PAK5: variants seen among roughly 807,000 people sequenced by gnomAD.
The protein encoded by PAK5 is p21 (RAC1) activated kinase 5.
In PAK5, 16 loss-of-function variants were observed where a neutral mutation model predicts 65.9. The observed-to-expected ratio is 0.24, with a 90% CI of 0.16 to 0.37. The LOEUF (loss-of-function observed/expected upper bound fraction) is 0.37. PAK5 is among the 10% of genes least tolerant of loss of function. The pLI, the probability that PAK5 is intolerant of heterozygous loss-of-function variation, is 1.00. For synonymous variants in PAK5, 371 were observed against 354.9 expected, an observed-to-expected ratio of 1.05 and a Z score of -0.51; for missense variants, 785 against 903.9, an observed-to-expected ratio of 0.87 and a Z score of 1.69.
chr20:9,703,503 G>A lies in PAK5; in HGVS notation c.-12+7783C>T, dbSNP rs367910389. ...CAGGGGATTGAGGCCCTGTGTTTTGGGTTAAAAGGTTGCCAGGTGGAAGTT... is the reference window on the plus strand; with the variant it reads ...CAGGGGATTGAGGCCCTGTGTTTTGAGTTAAAAGGTTGCCAGGTGGAAGTT... On this transcript the variant is annotated intron_variant, in intron 2 of 9. Transcript: ENST00000353224. Among the ~76,000 whole-genome samples, 19 of 152,208 alleles carry A rather than the reference G, an allele frequency of 1.2e-4. 1 individual carries two copies. In the Middle Eastern group the frequency reaches 0.01, roughly 82 times the overall value.
At chr20:9,738,682 C>T (rs1430458116) in intron 1 of PAK5, among the ~76,000 whole-genome samples, 1 of 152,104 alleles carries the variant, frequency 6.6e-6, no homozygotes, top group Non-Finnish European at 1.5e-5. Flanking sequence ...CAGGAAAAGG[C>T]ATGAGAGAAA....
intron 1 of PAK5, among the ~76,000 whole-genome samples, chr20:9,719,046 A>G (rs983951054): frequency 6.6e-6 from 1 of 152,184 alleles, no homozygotes; most frequent in Non-Finnish European, 1.5e-5. Context: ...TAAAATATTT[A>G]TAGCCAGAGC....
rs1054984947 is a variant in PAK5 at position 9,768,591 on chromosome 20, T to C, written c.-161-57156A>G. Among the ~76,000 whole-genome samples, 6 of 152,218 alleles carry C rather than the reference T, an allele frequency of 3.9e-5. No individual in the cohort carries two copies. In the East Asian group the frequency reaches 1.2e-3, roughly 29 times the overall value. Reference sequence around the variant, plus strand: ...TGAGATGAGGAGTTCTCAACCAGCCTGGCCAACATGGCATAACCCTGTCTC... The same window carrying C: ...TGAGATGAGGAGTTCTCAACCAGCCCGGCCAACATGGCATAACCCTGTCTC... On this transcript the variant is annotated intron_variant, in intron 1 of 9. Transcript: ENST00000353224.
intron 2 of PAK5, among the ~76,000 whole-genome samples, chr20:9,695,219 A>G (rs999864414): frequency 2.0e-5 from 3 of 151,990 alleles, no homozygotes; most frequent in Admixed American, 6.6e-5. Flanking sequence ...TTTTCACATT[A>G]GGTTCTCTTC....
chr20:9,662,624 C>T (rs1044857889), intron 2 of PAK5, among the ~76,000 whole-genome samples: 1 of 152,112 alleles, frequency 6.6e-6, no homozygotes, highest in African/African-American at 2.4e-5. Context: ...GCCTGGATCC[C>T]TGAACTGCTG....
intron 1 of PAK5, among the ~76,000 whole-genome samples, chr20:9,767,050 G>T (rs1201247190): frequency 3.9e-5 from 6 of 152,084 alleles, no homozygotes; most frequent in Admixed American, 2.6e-4. Context: ...AGACCTGAGG[G>T]TATATATTGA....
chr20:9,813,209 T>C (rs1811547446), intron 1 of PAK5, among the ~76,000 whole-genome samples: 2 of 151,748 alleles, frequency 1.3e-5, no homozygotes, highest in Non-Finnish European at 2.9e-5. Flanking sequence ...AACAGAGCAA[T>C]AGGGACCTAG....
intron 1 of PAK5, among the ~76,000 whole-genome samples, chr20:9,739,049 A>G (rs2048422401): frequency 6.6e-6 from 1 of 152,142 alleles, no homozygotes; most frequent in African/African-American, 2.4e-5. Flanking sequence ...TAATAAGTGA[A>G]TGATAAATTT....
At chr20:9,812,351 G>A (rs2049307264) in intron 1 of PAK5, among the ~76,000 whole-genome samples, 1 of 151,700 alleles carries the variant, frequency 6.6e-6, no homozygotes, top group African/African-American at 2.4e-5. Flanking sequence ...CAGAGAAGAT[G>A]TACAAATGGC....
chr20:9,835,292 G>T (rs907410961), intron 1 of PAK5, among the ~76,000 whole-genome samples: 18 of 152,264 alleles, frequency 1.2e-4, no homozygotes, highest in Non-Finnish European at 2.4e-4. Context: ...AAGTGCTGTG[G>T]AATAAAAGTG....
intron 3 of PAK5, among the ~76,000 whole-genome samples, chr20:9,591,441 T>C (rs561978986): frequency 6.6e-6 from 1 of 152,084 alleles, no homozygotes; most frequent in African/African-American, 2.4e-5. Flanking sequence ...GGGCAGAATA[T>C]AAAATATTTC....
chr20:9,690,133 C>T (rs538785858), intron 2 of PAK5, among the ~76,000 whole-genome samples: 19 of 152,186 alleles, frequency 1.2e-4, no homozygotes, highest in African/African-American at 3.6e-4. Context: ...AACTGTCAGC[C>T]GAACTGTCCC....
chr20:9,541,526 C>T (rs2045263336), intron 9 of PAK5, among the ~76,000 whole-genome samples: 1 of 152,226 alleles, frequency 6.6e-6, no homozygotes, highest in African/African-American at 2.4e-5. Flanking sequence ...TCTGACTTTA[C>T]TCCAGCAATG....
chr20:9,766,417 G>GCAGAATA, intron 1 of PAK5, among the ~76,000 whole-genome samples: 1 of 16,986 alleles, frequency 5.9e-5, no homozygotes, highest in African/African-American at 4.1e-4. Context: ...GAATATATAT[G>GCAGAATA]TATATATATA....
intron 3 of PAK5, among the ~76,000 whole-genome samples, chr20:9,596,477 A>G (rs1395588779): frequency 3.8e-4 from 58 of 152,108 alleles, no homozygotes; most frequent in Non-Finnish European, 7.4e-5. Flanking sequence ...TCTACTAAAA[A>G]TACAAAAAAT....
chr20:9,732,378 ATTTT>A (rs1360740654), intron 1 of PAK5, among the ~76,000 whole-genome samples: 2 of 152,196 alleles, frequency 1.3e-5, no homozygotes, highest in Non-Finnish European at 2.9e-5. Flanking sequence ...AAAGTTATGC[ATTTT>A]TAAAACTTTC....
At chr20:9,707,105 C>G (rs2048018106) in intron 2 of PAK5, among the ~76,000 whole-genome samples, 1 of 151,984 alleles carries the variant, frequency 6.6e-6, no homozygotes, top group African/African-American at 2.4e-5. Flanking sequence ...TACTATCCTG[C>G]TGTCTTTTCT....
intron 3 of PAK5, among the ~76,000 whole-genome samples, chr20:9,639,537 C>T (rs770882955): frequency 1.3e-5 from 2 of 152,082 alleles, no homozygotes; most frequent in Admixed American, 1.3e-4. Context: ...TTATTTTTTT[C>T]CCTCAGCGGC....
At chr20:9,606,592 C>A (rs1196603718) in intron 3 of PAK5, among the ~76,000 whole-genome samples, 1 of 152,022 alleles carries the variant, frequency 6.6e-6, no homozygotes, top group Non-Finnish European at 1.5e-5. Flanking sequence ...AAATCAGGCA[C>A]AATCATACAG....
Sources: gnomAD v4.1 joint callset for allele counts (sites outside exome capture counted in the v4.1 genomes callset) on GRCh38, gnomAD v4.1.1 for gene constraint, MANE v1.5 for transcripts, NCBI Gene and HGNC (gene_info 2026-07-23, HGNC 2026-07-21) for gene names.